Variants in NHSL2 observed in about 807,000 individuals in gnomAD.
NHSL2 encodes NHS-like protein 2.
Under a neutral mutation model 53.4 loss-of-function variants are expected in NHSL2, and 27 were observed. The observed-to-expected ratio is 0.51, with a 90% CI of 0.37 to 0.70. NHSL2 has a LOEUF of 0.70. Among genes scored for constraint, NHSL2 ranks in the 30% least tolerant of loss-of-function variants. The pLI is 0.00. For synonymous variants in NHSL2, 408 were observed against 404.1 expected, an observed-to-expected ratio of 1.01 and a Z score of -0.12; for missense variants, 892 against 980.1, an observed-to-expected ratio of 0.91 and a Z score of 1.20.
intron 1 of NHSL2, among the ~76,000 whole-genome samples, chrX:72,087,343 C>T (rs2041857594): frequency 1.8e-5 from 2 of 111,785 alleles, no homozygotes; most frequent in African/African-American, 6.5e-5. Flanking sequence ...TAGAAGTTAC[C>T]AGGGCCTAGG....
chrX:72,003,986 G>A (rs766269222), intron 1 of NHSL2, among the ~76,000 whole-genome samples: 1 of 111,893 alleles, frequency 8.9e-6, no homozygotes, highest in South Asian at 3.7e-4. Context: ...AGGTTTAGGA[G>A]GCATTATTAT....
intron 1 of NHSL2, 81 bp from the exon 2 acceptor site, chrX:72,131,998 G>A (rs980557977): frequency 4.7e-5 from 49 of 1,035,363 alleles, no homozygotes; most frequent in Non-Finnish European, 6.2e-5. Context: ...GGGCCTTGGG[G>A]AACCGCGGGC....
intron 1 of NHSL2, among the ~76,000 whole-genome samples, chrX:72,026,921 A>G (rs2042189006): frequency 8.9e-6 from 1 of 112,212 alleles, no homozygotes; most frequent in Admixed American, 9.4e-5. Flanking sequence ...CAGTTCCCCA[A>G]GTGTGCTACC....
Position 72,144,786 on chromosome X carries a change from A to G in NHSL2, c.*1212A>G, listed in dbSNP as rs2042451444. ...TGCCATTTAGGTTCTGTGTTTGACC[A>G]GCTTTCAATTAACCTTGCTGGGGGA... is the stretch of plus-strand genomic sequence containing the variant. On this transcript the variant is annotated 3_prime_UTR_variant, in exon 8 of 8. Transcript: ENST00000633930. The G allele has an allele frequency of 5.0e-6, 1 of 198,230 alleles. No individual in the cohort carries two copies. Among genetic ancestry groups the G allele is most frequent in the Non-Finnish European group, 9.5e-6 (1 of 104,881 alleles). 16.3% of individuals were successfully genotyped at this position (198,230 alleles called of 1,213,427 possible).
chrX:72,005,001 C>G (rs929344795), intron 1 of NHSL2, among the ~76,000 whole-genome samples: 2 of 111,456 alleles, frequency 1.8e-5, no homozygotes, highest in African/African-American at 6.5e-5. Flanking sequence ...ACGTTTCCCA[C>G]CCACCGAGCT....
chrX:72,077,075 A>G (rs1478953972), intron 1 of NHSL2, among the ~76,000 whole-genome samples: 1 of 110,359 alleles, frequency 9.1e-6, no homozygotes, highest in African/African-American at 3.3e-5. Flanking sequence ...TGGGCCCTTT[A>G]AGCTTGTCTC....
At chrX:71,920,029 T>C (rs946777278) in intron 1 of NHSL2, among the ~76,000 whole-genome samples, 1 of 112,628 alleles carries the variant, frequency 8.9e-6, no homozygotes, top group Admixed American at 9.4e-5. Flanking sequence ...ACAGAACTTA[T>C]GGGGCCTAAG....
At chrX:71,945,884 C>A (rs180782175) in intron 1 of NHSL2, among the ~76,000 whole-genome samples, 2 of 112,116 alleles carry the variant, frequency 1.8e-5, no homozygotes, top group African/African-American at 3.2e-5. Flanking sequence ...AGTATTACCC[C>A]CACACACACT....
chrX:72,113,464 C>T (rs942454841), intron 1 of NHSL2, among the ~76,000 whole-genome samples: 16 of 111,791 alleles, frequency 1.4e-4, no homozygotes, highest in African/African-American at 4.2e-4. Context: ...AGCCAGCAAA[C>T]GAGACATAGG....
chrX:72,046,453 T>G (rs1161161083), intron 1 of NHSL2, among the ~76,000 whole-genome samples: 1 of 112,445 alleles, frequency 8.9e-6, no homozygotes, highest in African/African-American at 3.2e-5. Context: ...TGAGGGCTGA[T>G]ATGAGAGCAA....
intron 1 of NHSL2, among the ~76,000 whole-genome samples, chrX:71,922,197 T>C (rs2041662843): frequency 8.9e-6 from 1 of 112,190 alleles, no homozygotes; most frequent in African/African-American, 3.2e-5. Context: ...TTTTAGAATG[T>C]GGATCTAGGC....
chrX:72,065,219 G>A (rs1262686586), intron 1 of NHSL2, among the ~76,000 whole-genome samples: 4 of 111,909 alleles, frequency 3.6e-5, no homozygotes, highest in Admixed American at 9.4e-5. Context: ...GTCTGCATGA[G>A]CAGGGTAGCT....
intron 1 of NHSL2, among the ~76,000 whole-genome samples, chrX:72,004,249 AC>A (rs1370762073): frequency 4.5e-5 from 5 of 112,219 alleles, no homozygotes; most frequent in Non-Finnish European, 9.4e-5. Context: ...CAGATCTGGA[AC>A]GGAGACTTGC....
At chrX:72,009,028 A>C (rs953083108) in intron 1 of NHSL2, among the ~76,000 whole-genome samples, 1 of 112,399 alleles carries the variant, frequency 8.9e-6, no homozygotes, top group Non-Finnish European at 1.9e-5. Flanking sequence ...TACCTCCTTG[A>C]CATGATCTCC....
At chrX:71,992,915 T>C (rs767628358) in intron 1 of NHSL2, among the ~76,000 whole-genome samples, 1 of 111,867 alleles carries the variant, frequency 8.9e-6, no homozygotes, top group East Asian at 2.8e-4. Flanking sequence ...TATGTACATG[T>C]TTGTGACAGC....
At chrX:72,007,034 A>G (rs1029564042) in intron 1 of NHSL2, among the ~76,000 whole-genome samples, 2 of 111,947 alleles carry the variant, frequency 1.8e-5, no homozygotes, top group African/African-American at 6.5e-5. Context: ...AAACCTCACC[A>G]TGGATCTACT....
At chrX:71,973,817 C>G (rs2041936607) in intron 1 of NHSL2, among the ~76,000 whole-genome samples, 1 of 111,701 alleles carries the variant, frequency 9.0e-6, no homozygotes, top group South Asian at 3.8e-4. Context: ...TGGCCACTTT[C>G]ACCCAGAATA....
At chrX:72,009,490 C>G (rs1201309042) in intron 1 of NHSL2, among the ~76,000 whole-genome samples, 1 of 112,331 alleles carries the variant, frequency 8.9e-6, no homozygotes, top group African/African-American at 3.2e-5. Context: ...ATGTCCAGAA[C>G]AACTGGATAT....
chrX:72,071,974 G>C (rs778803997), intron 1 of NHSL2, among the ~76,000 whole-genome samples: 1 of 112,283 alleles, frequency 8.9e-6, no homozygotes, highest in Admixed American at 9.4e-5. Context: ...TCCAGAATTG[G>C]GCTGTCTGCT....
Sources: gnomAD v4.1 joint callset for allele counts (sites outside exome capture counted in the v4.1 genomes callset) on GRCh38, gnomAD v4.1.1 for gene constraint, MANE v1.5 for transcripts, NCBI Gene and HGNC (gene_info 2026-07-23, HGNC 2026-07-21) for gene names.